RIMBP2: variants seen among roughly 807,000 people sequenced by gnomAD.
The protein encoded by RIMBP2 is RIMS binding protein 2, also known as RIMS-binding protein 2.
RIMBP2 carries 48 observed loss-of-function variants against 118.6 expected under a neutral mutation model. The observed-to-expected ratio is 0.40, with a 90% CI of 0.32 to 0.51. The LOEUF is 0.51. Among genes scored for constraint, RIMBP2 ranks in the 20% least tolerant of loss-of-function variants. The pLI is 0.41. For synonymous variants in RIMBP2, 762 were observed against 742.9 expected (o/e 1.03, Z -0.42); for missense variants, 1,551 against 1,768.3 (o/e 0.88, Z 2.20).
rs142423527 is a variant in RIMBP2, at chr12:130,564,441, T to C, written c.-216-46524A>G. 6.5e-4 allele frequency among the ~76,000 whole-genome samples: 99 copies of C among 152,300 alleles called. No homozygotes were observed. The East Asian group carries it at 0.014, about 21-fold the overall frequency. On this transcript the variant is annotated intron_variant, in intron 2 of 22. Coordinates refer to ENST00000690449, the MANE Select transcript of RIMBP2 (RefSeq NM_001393629.1). The stretch of plus-strand genomic sequence containing the variant: ...TAACATACAATTAACTATTTTAGAG[T>C]TAACATTTCGCCAGCAACAATGGTA...
intron 2 of RIMBP2, among the ~76,000 whole-genome samples, chr12:130,546,884 C>G (rs2055229777): frequency 6.6e-6 from 1 of 152,204 alleles, no homozygotes; most frequent in Admixed American, 6.5e-5. Flanking sequence ...GCAACCCTGG[C>G]CTATTTCCCT....
At chr12:130,632,477 G>A (rs369970544) in intron 1 of RIMBP2, among the ~76,000 whole-genome samples, 12 of 152,210 alleles carry the variant, frequency 7.9e-5, no homozygotes, top group Admixed American at 3.3e-4. Context: ...AGTGCAGGTC[G>A]GTGCCCTCCG....
intron 2 of RIMBP2, among the ~76,000 whole-genome samples, chr12:130,565,235 AT>A (rs945613420): frequency 6.6e-6 from 1 of 152,186 alleles, no homozygotes; most frequent in Non-Finnish European, 1.5e-5. Context: ...ATTTAAAATA[AT>A]TTTTTTAAAA....
intron 2 of RIMBP2, among the ~76,000 whole-genome samples, chr12:130,544,206 C>T (rs149841824): frequency 3.3e-5 from 5 of 152,132 alleles, no homozygotes; most frequent in Non-Finnish European, 7.3e-5. Context: ...TGGCCACACA[C>T]CCCACCCTCT....
At chr12:130,616,326 TCTC>T (rs1361656325) in intron 2 of RIMBP2, among the ~76,000 whole-genome samples, 1 of 151,588 alleles carries the variant, frequency 6.6e-6, no homozygotes, top group Non-Finnish European at 1.5e-5. Context: ...CTTGCTCCCT[TCTC>T]CTCCTCTCTC....
At chr12:130,495,851 C>A (rs1024865145) in intron 4 of RIMBP2, among the ~76,000 whole-genome samples, 5 of 152,154 alleles carry the variant, frequency 3.3e-5, no homozygotes, top group African/African-American at 9.7e-5. Flanking sequence ...GAGAACACCC[C>A]GGTTCTCAGA....
Position 130,623,426 on chromosome 12 carries a change from A to G in RIMBP2, c.-217+4896T>C, listed in dbSNP as rs1434397109. On this transcript the variant is annotated intron_variant, in intron 2 of 22. Transcript: ENST00000690449. The surrounding 1 kb of genome is among the most constrained non-coding windows in gnomAD (Gnocchi z 4.1). ...CCCTCCCCTTGCCCCCACCCCCTGA[A>G]GTAGAGGCACATTTGCACAGATTCT... 6.6e-6 allele frequency among the ~76,000 whole-genome samples: 1 copy of G among 151,930 alleles called. No homozygotes were observed. Among genetic ancestry groups the G allele is most frequent in the Non-Finnish European group, 1.5e-5 (1 of 67,972 alleles).
At chr12:130,543,765 A>G (rs979008780) in intron 2 of RIMBP2, among the ~76,000 whole-genome samples, 6 of 152,012 alleles carry the variant, frequency 3.9e-5, no homozygotes, top group Non-Finnish European at 8.8e-5. Context: ...TGGAAAAAAA[A>G]AAAAAAGTTC....
chr12:130,567,170 T>C (rs1291176154), intron 2 of RIMBP2, among the ~76,000 whole-genome samples: 1 of 152,210 alleles, frequency 6.6e-6, no homozygotes, highest in Non-Finnish European at 1.5e-5. Context: ...TTTTGAGATG[T>C]CCAGATGGGT....
At chr12:130,498,146 G>A (rs866823897) in intron 4 of RIMBP2, among the ~76,000 whole-genome samples, 1 of 152,060 alleles carries the variant, frequency 6.6e-6, no homozygotes, top group South Asian at 2.1e-4. Context: ...CGGCTGCCCC[G>A]TCATTCTCCA....
intron 21 of RIMBP2, among the ~76,000 whole-genome samples, chr12:130,405,434 G>A (rs933853702): frequency 1.1e-4 from 16 of 152,248 alleles, no homozygotes; most frequent in Admixed American, 1.0e-3. Flanking sequence ...GGAGCAGGTG[G>A]AAACACATGT....
intron 2 of RIMBP2, among the ~76,000 whole-genome samples, chr12:130,529,007 G>A (rs1027277258): frequency 3.3e-5 from 5 of 152,164 alleles, no homozygotes; most frequent in Admixed American, 3.3e-4. Context: ...CAAATGTCAC[G>A]GCAGCATTAT....
rs140275292 is a variant in RIMBP2, at chr12:130,676,483, T to C, written c.-352+39739A>G. On this transcript the variant is annotated intron_variant, in intron 1 of 22. Coordinates refer to ENST00000690449, the MANE Select transcript of RIMBP2 (RefSeq NM_001393629.1). ...ACTAAAAATACAAAAATTAGCTGGG[T>C]GTGGTGGTATGTGCCTGTAGTCCCA... 7.4e-3 allele frequency among the ~76,000 whole-genome samples: 1,121 copies of C among 151,138 alleles called. 17 individuals are homozygous for C. Among genetic ancestry groups the C allele is most frequent in the African/African-American group, 0.026 (1,064 of 41,154 alleles).
chr12:130,437,260 C>G lies in RIMBP2; in HGVS notation c.1688G>C (p.Ser563Thr), dbSNP rs372487822. ...VAEVIFPTADSTAVELVRLRS... is the reference protein window; with the variant it reads ...VAEVIFPTADTTAVELVRLRS... ...CAGCCGCACAAGCTCCACGGCCGTG[C>G]TGTCTGCCGTGGGGAAGATGACTTC... is the stretch of plus-strand genomic sequence containing the variant. The change falls in exon 13 of 23, where the codon AGC (serine) becomes ACC (threonine). Residue 563 changes from serine (S) to threonine (T), a missense_variant. Physicochemically the swap from Ser to Thr is moderately conservative, Grantham distance 58 (BLOSUM62 1). This residue lies in a region of RIMBP2 where 1,038 missense variants were observed against 1,125.1 expected (regional missense o/e 0.92). Coordinates refer to ENST00000690449, the MANE Select transcript of RIMBP2 (RefSeq NM_001393629.1). The G allele has an allele frequency of 9.5e-6, 15 of 1,582,528 alleles. No individual in the cohort carries two copies. The highest frequency in any genetic ancestry group is 1.3e-5 in the African/African-American group (1 of 74,658).
intron 1 of RIMBP2, among the ~76,000 whole-genome samples, chr12:130,682,741 A>G (rs893237642): frequency 1.3e-5 from 2 of 152,328 alleles, no homozygotes; most frequent in South Asian, 4.1e-4. Flanking sequence ...ATTAGGAGGC[A>G]GCGCCCAATC....
intron 1 of RIMBP2, among the ~76,000 whole-genome samples, chr12:130,669,742 A>G (rs1227826773): frequency 6.6e-6 from 1 of 152,180 alleles, no homozygotes; most frequent in Admixed American, 6.5e-5. Context: ...CTAGGAATGC[A>G]GGAGCTCTTT....
At chr12:130,645,375 AAAT>A (rs2062817362) in intron 1 of RIMBP2, among the ~76,000 whole-genome samples, 1 of 152,230 alleles carries the variant, frequency 6.6e-6, no homozygotes, top group South Asian at 2.1e-4. Context: ...CCAGAGGAGA[AAAT>A]AAACCAGAAT....
intron 9 of RIMBP2, among the ~76,000 whole-genome samples, chr12:130,448,095 C>G (rs904177484): frequency 6.7e-6 from 1 of 149,844 alleles, no homozygotes; most frequent in African/African-American, 2.5e-5. Flanking sequence ...CACAATTTGA[C>G]TTGGTTTGAG....
Position 130,508,003 on chromosome 12 carries a change from T to C in RIMBP2, c.-126-1233A>G, listed in dbSNP as rs148938314. On this transcript the variant is annotated intron_variant, in intron 3 of 22. Transcript: ENST00000690449. ...CTGTTATTAAGAGGTCGTAGAGAGGTCTCATTCGAAGGAATATTTTAATGC... is the reference window on the plus strand; with the variant it reads ...CTGTTATTAAGAGGTCGTAGAGAGGCCTCATTCGAAGGAATATTTTAATGC... Among the ~76,000 whole-genome samples, 66 of 152,156 alleles carry C rather than the reference T, an allele frequency of 4.3e-4. 1 individual carries two copies. The highest frequency in any genetic ancestry group is 1.5e-3 in the African/African-American group (62 of 41,512).
Sources: gnomAD v4.1 joint callset for allele counts (sites outside exome capture counted in the v4.1 genomes callset) on GRCh38, gnomAD v4.1.1 for gene constraint, gnomAD v4.1.1 regional missense constraint, Gnocchi (gnomAD v3.1) non-coding constraint, MANE v1.5 for transcripts, NCBI Gene and HGNC (gene_info 2026-07-23, HGNC 2026-07-21) for gene names.